FYN: variants seen among roughly 807,000 people sequenced by gnomAD.
The protein encoded by FYN is tyrosine-protein kinase Fyn.
In FYN, 10 loss-of-function variants were observed where a neutral mutation model predicts 70.2. The ratio of observed to expected loss-of-function variants is 0.14; its 90% CI spans 0.09 to 0.24. The LOEUF (loss-of-function observed/expected upper bound fraction) is 0.24. FYN is among the 10% of genes least tolerant of loss of function. The pLI is 1.00. For synonymous variants in FYN, 236 were observed against 248.6 expected (o/e 0.95, Z 0.48); for missense variants, 319 against 673.1 (o/e 0.47, Z 5.82).
intron 13 of FYN, among the ~76,000 whole-genome samples, chr6:111,665,905 G>C (rs9487703): frequency 3.3e-5 from 5 of 151,816 alleles, no homozygotes; most frequent in Admixed American, 3.3e-4. Flanking sequence ...TTACAGGTGT[G>C]AGCCACCATG....
intron 2 of FYN, among the ~76,000 whole-genome samples, chr6:111,828,228 T>G (rs1347307739): frequency 6.6e-6 from 1 of 152,180 alleles, no homozygotes; most frequent in Non-Finnish European, 1.5e-5. Flanking sequence ...GAGCTCAGGA[T>G]TCCCCAAAGT....
At chr6:111,799,468 G>A (rs1340798899) in intron 2 of FYN, among the ~76,000 whole-genome samples, 4 of 152,196 alleles carry the variant, frequency 2.6e-5, no homozygotes, top group African/African-American at 4.8e-5. Context: ...TTAATAACAA[G>A]TGTACCAATA....
chr6:111,704,574 T>G (rs1799985724), intron 6 of FYN, among the ~76,000 whole-genome samples: 1 of 151,126 alleles, frequency 6.6e-6, no homozygotes, highest in African/African-American at 2.4e-5. Context: ...GCCAACATGG[T>G]GAAACCCCAG....
intron 2 of FYN, among the ~76,000 whole-genome samples, chr6:111,843,459 G>C (rs1773424933): frequency 6.6e-6 from 1 of 152,098 alleles, no homozygotes; most frequent in Admixed American, 6.5e-5. Flanking sequence ...TAACCCTCAA[G>C]AATTCTAAAA....
intron 2 of FYN, among the ~76,000 whole-genome samples, chr6:111,824,798 G>A (rs529002154): frequency 1.8e-4 from 28 of 152,310 alleles, no homozygotes; most frequent in African/African-American, 6.5e-4. Context: ...TTCAGCCAAA[G>A]TGTTACCAGG....
chr6:111,750,140 C>T (rs1015824165), intron 3 of FYN, among the ~76,000 whole-genome samples: 4 of 152,140 alleles, frequency 2.6e-5, no homozygotes, highest in Non-Finnish European at 4.4e-5. Flanking sequence ...GCAACATAAC[C>T]GATACAGTTT....
chr6:111,731,976 A>T (rs1266140028), intron 3 of FYN, among the ~76,000 whole-genome samples: 2 of 152,228 alleles, frequency 1.3e-5, no homozygotes, highest in Non-Finnish European at 2.9e-5. Context: ...CATCAGTAAG[A>T]GGAAGAGAAT....
intron 1 of FYN, among the ~76,000 whole-genome samples, chr6:111,849,855 C>T (rs1299628045): frequency 2.6e-5 from 4 of 152,190 alleles, no homozygotes; most frequent in Non-Finnish European, 5.9e-5. Context: ...GCCCACACCC[C>T]CATGCAGGAC....
intron 1 of FYN, among the ~76,000 whole-genome samples, chr6:111,872,638 G>A (rs1774315890): frequency 6.6e-6 from 1 of 151,996 alleles, no homozygotes; most frequent in Non-Finnish European, 1.5e-5. Context: ...GTCCCCGCGG[G>A]GGGCCCCAAA....
chr6:111,689,972 A>G (rs989317479), intron 12 of FYN, among the ~76,000 whole-genome samples: 2 of 152,234 alleles, frequency 1.3e-5, no homozygotes, highest in African/African-American at 4.8e-5. Context: ...TTATGCTTAC[A>G]CACAGCCATG....
chr6:111,672,177 G>A (rs938050133), intron 13 of FYN, among the ~76,000 whole-genome samples: 3 of 152,178 alleles, frequency 2.0e-5, no homozygotes, highest in African/African-American at 7.2e-5. Flanking sequence ...CCCTGGAACT[G>A]TCCTCCCAGG....
At chr6:111,782,333 G>A (rs139196679) in intron 2 of FYN, among the ~76,000 whole-genome samples, 11 of 152,186 alleles carry the variant, frequency 7.2e-5, no homozygotes, top group Admixed American at 1.3e-4. Flanking sequence ...GCAGGGAGGC[G>A]CTCATCAGGA....
chr6:111,765,121 G>C (rs1803178033), intron 3 of FYN, among the ~76,000 whole-genome samples: 1 of 152,100 alleles, frequency 6.6e-6, no homozygotes, highest in African/African-American at 2.4e-5. Flanking sequence ...ACGAATGCTT[G>C]TAACAGAGGA....
chr6:111,793,218 T>C (rs1020858251), intron 2 of FYN, among the ~76,000 whole-genome samples: 5 of 152,228 alleles, frequency 3.3e-5, no homozygotes, highest in Non-Finnish European at 7.3e-5. Flanking sequence ...CACTTTAAGA[T>C]GAATGTCAGG....
At chr6:111,805,665 C>T (rs1426085455) in intron 2 of FYN, among the ~76,000 whole-genome samples, 1 of 152,180 alleles carries the variant, frequency 6.6e-6, no homozygotes, top group Non-Finnish European at 1.5e-5. Flanking sequence ...GAATTGTCTA[C>T]TGACCACCCT....
intron 3 of FYN, among the ~76,000 whole-genome samples, chr6:111,753,496 A>G (rs1802576223): frequency 1.3e-5 from 2 of 152,202 alleles, no homozygotes; most frequent in Admixed American, 1.3e-4. Context: ...GAAAATTTGT[A>G]TGGTGAAATA....
chr6:111,796,336 A>C (rs556133616), intron 2 of FYN, among the ~76,000 whole-genome samples: 56 of 152,264 alleles, frequency 3.7e-4, no homozygotes, highest in Non-Finnish European at 6.6e-4. Context: ...TGCTTTTTCT[A>C]TGTTTAGATA....
rs549876095 is a variant in FYN, at chr6:111,789,600, A to T, written c.-81-8965T>A. ...CAACAATTCTGCTTCTATGAGACTCATGAGAATGAAGCATACAGTTATAAT... is the reference window on the plus strand; with the variant it reads ...CAACAATTCTGCTTCTATGAGACTCTTGAGAATGAAGCATACAGTTATAAT... On this transcript the variant is annotated intron_variant, in intron 2 of 13. Coordinates refer to ENST00000354650, the MANE Select transcript of FYN (RefSeq NM_002037.5). 3.9e-5 allele frequency among the ~76,000 whole-genome samples: 6 copies of T among 152,360 alleles called. No individual in the cohort carries two copies. In the East Asian group the frequency reaches 1.2e-3, roughly 29 times the overall value.
intron 3 of FYN, among the ~76,000 whole-genome samples, chr6:111,737,957 A>T (rs1269731824): frequency 2.0e-5 from 3 of 152,212 alleles, no homozygotes; most frequent in Non-Finnish European, 4.4e-5. Context: ...TTTCTTTGGT[A>T]CCAGAGCATT....
Sources: allele counts gnomAD v4.1 joint callset (sites outside exome capture counted in the v4.1 genomes callset), GRCh38; gene constraint gnomAD v4.1.1; transcripts MANE v1.5; gene names NCBI Gene and HGNC (gene_info 2026-07-23, HGNC 2026-07-21).